ARSF: variants seen among roughly 807,000 people sequenced by gnomAD.
ARSF encodes the protein arylsulfatase F.
ARSF carries 33 observed loss-of-function variants against 35.4 expected under a neutral mutation model. That is an observed-to-expected ratio of 0.93 (90% CI 0.71 to 1.25). ARSF has a LOEUF of 1.25. Among genes scored for constraint, ARSF ranks in the 50% most tolerant of loss-of-function variants. ARSF has a pLI of 0.00. For missense variants in ARSF, 501 were observed against 480.2 expected, an observed-to-expected ratio of 1.04 and a Z score of -0.40; for synonymous variants, 222 against 193.1, an observed-to-expected ratio of 1.15 and a Z score of -1.24.
chrX:3,040,605 C>G (rs1338823455), upstream of ARSF, among the ~76,000 whole-genome samples: 1 of 111,029 alleles, frequency 9.0e-6, no homozygotes, highest in East Asian at 2.8e-4. Flanking sequence ...AGAGGCTGAC[C>G]TCCTCAGCTT....
At chrX:3,093,754 A>G (rs1440557374) in intron 7 of ARSF, among the ~76,000 whole-genome samples, 1 of 111,903 alleles carries the variant, frequency 8.9e-6, no homozygotes, top group Non-Finnish European at 1.9e-5. Flanking sequence ...GTAGACACCC[A>G]GTAATGGCAT....
At chrX:3,098,167 G>C (rs1490600156) in intron 7 of ARSF, among the ~76,000 whole-genome samples, 1 of 108,613 alleles carries the variant, frequency 9.2e-6, no homozygotes, top group African/African-American at 3.4e-5. Flanking sequence ...GTCTCACTGT[G>C]TTGACAAGGG....
intron 1 of ARSF, among the ~76,000 whole-genome samples, chrX:3,056,358 C>A (rs2090018301): frequency 9.2e-6 from 1 of 108,521 alleles, no homozygotes; most frequent in African/African-American, 3.4e-5. Flanking sequence ...TCACTGCAAC[C>A]TCTGCCTCCC....
At chrX:3,094,687 T>C (rs1423232444) in intron 7 of ARSF, among the ~76,000 whole-genome samples, 1 of 110,871 alleles carries the variant, frequency 9.0e-6, no homozygotes, top group Non-Finnish European at 1.9e-5. Context: ...GTACAGACAG[T>C]TGTGAGTGGT....
At chrX:3,109,419 G>T (rs965547595) in intron 9 of ARSF, among the ~76,000 whole-genome samples, 4 of 112,064 alleles carry the variant, frequency 3.6e-5, no homozygotes, top group South Asian at 3.7e-4. Context: ...CAAGGCATAA[G>T]ATATATTTTC....
At chrX:3,048,375 C>T (rs1323097643) in intron 1 of ARSF, among the ~76,000 whole-genome samples, 2 of 112,351 alleles carry the variant, frequency 1.8e-5, no homozygotes, top group Non-Finnish European at 3.8e-5. Context: ...AAAGGACAGA[C>T]GGAACTCAAA....
intron 7 of ARSF, among the ~76,000 whole-genome samples, chrX:3,090,946 T>C (rs1484168726): frequency 9.1e-6 from 1 of 110,079 alleles, no homozygotes; most frequent in Non-Finnish European, 1.9e-5. Flanking sequence ...GATCTCACTC[T>C]GTCACTCAGG....
chrX:3,069,908 T>C (rs1206170049), intron 2 of ARSF, among the ~76,000 whole-genome samples: 1 of 111,749 alleles, frequency 8.9e-6, no homozygotes, highest in Non-Finnish European at 1.9e-5. Context: ...TGAGAACACT[T>C]TGAGTAGATT....
intron 9 of ARSF, among the ~76,000 whole-genome samples, chrX:3,105,461 T>C (rs369745625): frequency 8.9e-6 from 1 of 111,952 alleles, no homozygotes; most frequent in Non-Finnish European, 1.9e-5. Flanking sequence ...TTTTATTCTT[T>C]ATTTTTATTT....
chrX:3,098,885 A>G (rs2090357363), intron 7 of ARSF, among the ~76,000 whole-genome samples: 1 of 110,837 alleles, frequency 9.0e-6, no homozygotes, highest in African/African-American at 3.3e-5. Flanking sequence ...GAAAAATATT[A>G]GCTTTGTTGT....
Position 3,084,563 on chromosome X carries a change from T to C in ARSF, c.727T>C (p.Trp243Arg). The stretch of plus-strand genomic sequence containing the variant: ...CTCCAGCCACACGTCCCCTTTATAC[T>C]GGGACTGCCTCCTCATGCGGGGGCA... ...WFSSHTSPLY[W>R]DCLLMRGHEI... The change falls in exon 6 of 11, where the codon TGG (tryptophan) becomes CGG (arginine). Residue 243 changes from tryptophan (W) to arginine (R), a missense_variant. Physicochemically the swap from Trp to Arg is moderately radical, Grantham distance 101. Coordinates refer to ENST00000381127, the MANE Select transcript of ARSF (RefSeq NM_001201539.2). 8.3e-7 allele frequency: 1 copy of C among 1,211,519 alleles called. No individual in the cohort carries two copies. Among genetic ancestry groups the C allele is most frequent in the Non-Finnish European group, 1.1e-6 (1 of 895,345 alleles).
intron 7 of ARSF, among the ~76,000 whole-genome samples, chrX:3,098,047 A>AACAC (rs3032523): frequency 0.38 from 32,888 of 87,644 alleles, 5,061 homozygotes; most frequent in East Asian, 0.62. Flanking sequence ...ATACACACAC[A>AACAC]ACACACACAC....
At position 3,112,595 on chromosome X, in the gene ARSF, G is replaced by T; in HGVS notation, c.*39G>T. 3 of 1,151,074 alleles carry T rather than the reference G, an allele frequency of 2.6e-6. No homozygotes were observed. Among genetic ancestry groups the T allele is most frequent in the Non-Finnish European group, 3.5e-6 (3 of 868,872 alleles). The allele number at this position is 1,151,074 out of a possible 1,213,427, so 94.9% of individuals were successfully genotyped here. On this transcript the variant is annotated 3_prime_UTR_variant, in exon 11 of 11. Coordinates refer to ENST00000381127, the MANE Select transcript of ARSF (RefSeq NM_001201539.2). ...ACCAGAGGAAGCCTTTGGTCCTAAC[G>T]AGAAGAGATAATTACAATCAGGCTA...
intron 4 of ARSF, among the ~76,000 whole-genome samples, chrX:3,080,410 G>A (rs1447445763): frequency 2.8e-5 from 3 of 108,476 alleles, no homozygotes; most frequent in African/African-American, 3.4e-5. Context: ...GGAGGTGGAG[G>A]TTGCAGTGAG....
rs1569143408 is a variant in ARSF at position 3,089,684 on chromosome X, G to A, written c.967+52G>A. ...AAACTAACGTGTTCTGATAGGACAGGACACCTGAAAACTGCTCTTGGTCAA... is the reference window on the plus strand; with the variant it reads ...AAACTAACGTGTTCTGATAGGACAGAACACCTGAAAACTGCTCTTGGTCAA... On this transcript the variant is annotated intron_variant, in intron 7 of 10. Coordinates refer to ENST00000381127, the MANE Select transcript of ARSF (RefSeq NM_001201539.2). 3 of 1,183,855 alleles carry A rather than the reference G, an allele frequency of 2.5e-6. No individual in the cohort carries two copies. The South Asian group carries it at 5.4e-5, about 21-fold the overall frequency.
intron 7 of ARSF, among the ~76,000 whole-genome samples, chrX:3,092,220 G>C (rs781750305): frequency 5.4e-4 from 59 of 109,554 alleles, no homozygotes; most frequent in African/African-American, 1.6e-3. Context: ...TAGATACATA[G>C]ATAGATAGAT....
intron 1 of ARSF, among the ~76,000 whole-genome samples, chrX:3,062,619 G>T (rs1238150850): frequency 1.8e-5 from 2 of 111,157 alleles, no homozygotes; most frequent in African/African-American, 6.5e-5. Flanking sequence ...TGATAAAGGG[G>T]ATATCACCAC....
intron 7 of ARSF, among the ~76,000 whole-genome samples, chrX:3,090,031 G>A (rs758188358): frequency 3.4e-4 from 38 of 111,295 alleles, no homozygotes; most frequent in African/African-American, 1.1e-3. Flanking sequence ...CGGACACTAA[G>A]CATAGCACGC....
intron 7 of ARSF, among the ~76,000 whole-genome samples, chrX:3,093,999 A>G (rs1340559818): frequency 8.9e-6 from 1 of 111,976 alleles, no homozygotes; most frequent in Non-Finnish European, 1.9e-5. Flanking sequence ...AGATGGATAC[A>G]TTGAAAGTAA....
Sources: gnomAD v4.1 joint callset for allele counts (sites outside exome capture counted in the v4.1 genomes callset) on GRCh38, gnomAD v4.1.1 for gene constraint, MANE v1.5 for transcripts, NCBI Gene and HGNC (gene_info 2026-07-23, HGNC 2026-07-21) for gene names.